The following NYAP1 variants were observed in gnomAD, a reference collection of about 807,000 sequenced individuals.
The protein encoded by NYAP1 is neuronal tyrosine-phosphorylated phosphoinositide-3-kinase adapter 1.
In NYAP1, 20 loss-of-function variants were observed where a neutral mutation model predicts 58.6. The observed-to-expected ratio is 0.34, with a 90% CI of 0.24 to 0.50. The LOEUF is 0.50. Among genes scored for constraint, NYAP1 ranks in the 20% least tolerant of loss-of-function variants. The pLI is 0.98. For synonymous variants in NYAP1, 572 were observed against 523.1 expected, an observed-to-expected ratio of 1.09 and a Z score of -1.27; for missense variants, 1,150 against 1,194.5, an observed-to-expected ratio of 0.96 and a Z score of 0.55.
chr7:100,484,557 G>A (rs374333073), intron 1 of NYAP1, among the ~76,000 whole-genome samples: 2 of 152,074 alleles, frequency 1.3e-5, no homozygotes, highest in African/African-American at 4.8e-5. Flanking sequence ...ATAGATGGAT[G>A]GGTGGTATTT....
intron 6 of NYAP1, among the ~76,000 whole-genome samples, chr7:100,493,046 C>T (rs1799818248): frequency 1.3e-5 from 2 of 151,968 alleles, no homozygotes; most frequent in South Asian, 4.1e-4. Context: ...GGGACCTTGT[C>T]TACCCTTGCC....
At chr7:100,491,299 CTTT>C (rs1017706839) in intron 6 of NYAP1, among the ~76,000 whole-genome samples, 2 of 151,624 alleles carry the variant, frequency 1.3e-5, no homozygotes, top group African/African-American at 2.4e-5. Context: ...TCTATTTTTT[CTTT>C]TTTTTAAAAG....
chr7:100,493,773 C>G lies in NYAP1; in HGVS notation c.2396C>G (p.Pro799Arg), dbSNP rs1366143918. ...VCKEIKARHR[P>R]DRGLCKQESM... ...AAGGAGATCAAGGCGCGCCACCGCCCGGACCGAGGCCTCTGCAAGCAGGAG... is the reference window on the plus strand; with the variant it reads ...AAGGAGATCAAGGCGCGCCACCGCCGGGACCGAGGCCTCTGCAAGCAGGAG... The change falls in exon 7 of 7, where the codon CCG (proline) becomes CGG (arginine). Residue 799 changes from proline to arginine, a missense_variant. Physicochemically the swap from Pro to Arg is moderately radical, Grantham distance 103 (BLOSUM62 -2). Transcript: ENST00000300179. 3.7e-6 allele frequency: 6 copies of G among 1,605,508 alleles called. No homozygotes were observed. In the African/African-American group the frequency reaches 5.4e-5, roughly 14 times the overall value.
rs1160406941 is a variant in NYAP1, at chr7:100,494,343, T to G, written c.*440T>G. ...GGGGAGGGGGTATTTATTTTGTTAT[T>G]TATTTCAGTCTGGAGGGCGATTCTG... On this transcript the variant is annotated 3_prime_UTR_variant, in exon 7 of 7. Coordinates refer to ENST00000300179, the MANE Select transcript of NYAP1 (RefSeq NM_173564.4). 6.3e-6 allele frequency: 1 copy of G among 158,140 alleles called. No homozygotes were observed. Among genetic ancestry groups the G allele is most frequent in the African/African-American group, 2.4e-5 (1 of 41,524 alleles). The allele number at this position is 158,140 out of a possible 1,614,324, so 9.8% of individuals were successfully genotyped here.
rs1219148251 is a variant in NYAP1, at chr7:100,487,836, G to A, written c.431-316G>A. 6.6e-6 allele frequency among the ~76,000 whole-genome samples: 1 copy of A among 152,122 alleles called. No individual in the cohort carries two copies. The highest frequency in any genetic ancestry group is 1.5e-5 in the Non-Finnish European group (1 of 68,012). On this transcript the variant is annotated intron_variant, in intron 3 of 6. Coordinates refer to ENST00000300179, the MANE Select transcript of NYAP1 (RefSeq NM_173564.4). This position sits in a 1 kb window ranked among gnomAD's most constrained non-coding sequence, Gnocchi z 4.1. ...AATTGACGTTTTAAAAAGACCAAGG[G>A]CTGACTAGTAGAAAAGGAACCTACA...
chr7:100,486,250 T>C lies in NYAP1; in HGVS notation c.69-571T>C, dbSNP rs1799700659. Among the ~76,000 whole-genome samples the C allele has an allele frequency of 6.6e-6, 1 of 151,452 alleles. No individual in the cohort carries two copies. The highest frequency in any genetic ancestry group is 2.4e-5 in the African/African-American group (1 of 41,146). Reference sequence around the variant, plus strand: ...GAAGCTCAGGGACAGTGGAATGGAATGGGGGTGAGCCGGGGAGGCTGACAG... The same window carrying C: ...GAAGCTCAGGGACAGTGGAATGGAACGGGGGTGAGCCGGGGAGGCTGACAG... On this transcript the variant is annotated intron_variant, in intron 2 of 6. Coordinates refer to ENST00000300179, the MANE Select transcript of NYAP1 (RefSeq NM_173564.4). The surrounding 1 kb of genome is among the most constrained non-coding windows in gnomAD (Gnocchi z 6.2).
At chr7:100,493,524 G>C (rs1437997666) in intron 6 of NYAP1, 122 bp from the exon 7 acceptor site, 2 of 905,630 alleles carry the variant, frequency 2.2e-6, no homozygotes, top group Admixed American at 5.9e-5. Flanking sequence ...AGAGGCCGTT[G>C]GGGGGCAAGC....
At chr7:100,491,151 T>C in intron 6 of NYAP1, 56 bp downstream of exon 6, 1 of 1,197,058 alleles carries the variant, frequency 8.4e-7, no homozygotes. Flanking sequence ...GGCTTGAATA[T>C]GCAAAGAAAA....
intron 4 of NYAP1, among the ~76,000 whole-genome samples, chr7:100,489,919 C>T (rs1325909420): frequency 6.6e-6 from 1 of 152,066 alleles, no homozygotes; most frequent in Non-Finnish European, 1.5e-5. Context: ...GCTCTGCTCC[C>T]TGCCCCTCCC....
rs1394550203 is a variant in NYAP1 at position 100,487,448 on chromosome 7, C to CGTTA, written c.430+268_430+271dup. Among the ~76,000 whole-genome samples the CGTTA allele has an allele frequency of 6.6e-6, 1 of 151,756 alleles. No homozygotes were observed. The highest frequency in any genetic ancestry group is 6.6e-5 in the Admixed American group (1 of 15,248). On this transcript the variant is annotated intron_variant, in intron 3 of 6. Coordinates refer to ENST00000300179, the MANE Select transcript of NYAP1 (RefSeq NM_173564.4). The surrounding 1 kb of genome is among the most constrained non-coding windows in gnomAD (Gnocchi z 4.1). Reference sequence around the variant, plus strand: ...TAGGAGCTGCGAATTCTGGAGAATACGTTAGAAAGACTGAGGGCTGTGGGA... The same window carrying CGTTA: ...TAGGAGCTGCGAATTCTGGAGAATACGTTAGTTAGAAAGACTGAGGGCTGTGGGA...
At position 100,487,881 on chromosome 7, in the gene NYAP1, G is replaced by T. The variant is rs1799728783; in HGVS notation, c.431-271G>T. Among the ~76,000 whole-genome samples the T allele has an allele frequency of 6.6e-6, 1 of 152,192 alleles. No homozygotes were observed. Among genetic ancestry groups the T allele is most frequent in the African/African-American group, 2.4e-5 (1 of 41,444 alleles). ...CCTACAGCTGGGCATGGTGGCTGAT[G>T]CCTGGAATCCTAGCACTTTAGGAGG... On this transcript the variant is annotated intron_variant, in intron 3 of 6. Transcript: ENST00000300179. This position sits in a 1 kb window ranked among gnomAD's most constrained non-coding sequence, Gnocchi z 4.1.
Position 100,486,695 on chromosome 7 carries a change from TCCCCACCCA to T in NYAP1, c.69-125_69-117del. On this transcript the variant is annotated intron_variant, in intron 2 of 6. Transcript: ENST00000300179. The surrounding 1 kb of genome is among the most constrained non-coding windows in gnomAD (Gnocchi z 6.2). ...TGCCCTGGACCTTCTGGCAACCCTG[TCCCCACCCA>T]GGCTCCCGTCCTCTTCCCTGGGAAG... The T allele has an allele frequency of 8.6e-7, 1 of 1,164,776 alleles. No homozygotes were observed. The highest frequency in any genetic ancestry group is 1.1e-6 in the Non-Finnish European group (1 of 874,160). 72.2% of individuals were successfully genotyped at this position (1,164,776 alleles called of 1,614,324 possible).
chr7:100,490,778 C>T lies in NYAP1; in HGVS notation c.2158+49C>T. The T allele has an allele frequency of 7.0e-7, 1 of 1,437,604 alleles. No homozygotes were observed. The highest frequency in any genetic ancestry group is 9.3e-7 in the Non-Finnish European group (1 of 1,080,640). The allele number at this position is 1,437,604 out of a possible 1,614,324, so 89.1% of individuals were successfully genotyped here. ...TGCACAGCGGGGCTGGCTGGGGGAT[C>T]TCCCGGGGTCTAGCTGCACCTGTCC... On this transcript the variant is annotated intron_variant, in intron 5 of 6. Transcript: ENST00000300179. This position sits in a 1 kb window ranked among gnomAD's most constrained non-coding sequence, Gnocchi z 4.6.
At chr7:100,492,238 C>T (rs917819260) in intron 6 of NYAP1, among the ~76,000 whole-genome samples, 1 of 115,658 alleles carries the variant, frequency 8.6e-6, no homozygotes, top group African/African-American at 3.2e-5. Context: ...GACTCTGTCT[C>T]AAAAAAAAAA....
chr7:100,494,685 T>TGGGGGGGGG lies in NYAP1; in HGVS notation c.*784_*785insGGGGGGGGG, dbSNP rs201629201. The stretch of plus-strand genomic sequence containing the variant: ...GGAGGAGGAGGGAAATTTTAGCGGG[T>TGGGGGGGGG]GGAGGGGGTGGGCAGGGTATTTATT... On this transcript the variant is annotated 3_prime_UTR_variant, in exon 7 of 7. Transcript: ENST00000300179. 4 of 9,192 alleles carry TGGGGGGGGG rather than the reference T, an allele frequency of 4.4e-4. No individual in the cohort carries two copies. Among genetic ancestry groups the TGGGGGGGGG allele is most frequent in the Non-Finnish European group, 5.7e-4 (3 of 5,304 alleles). 0.6% of individuals were successfully genotyped at this position (9,192 alleles called of 1,614,324 possible).
chr7:100,485,132 T>A lies in NYAP1; in HGVS notation c.-84-96T>A. The A allele has an allele frequency of 5.1e-6, 3 of 592,754 alleles. No individual in the cohort carries two copies. The South Asian group carries it at 6.1e-5, about 12-fold the overall frequency. 36.7% of individuals were successfully genotyped at this position (592,754 alleles called of 1,614,324 possible). A position where few individuals can be genotyped will look rare whatever the true frequency, so the allele number is the denominator to read the frequency against. ...GTGTTTTCCTCTCTGAGGACCCGAGTCATGTCTCTTCTCCGTTTTCTCTCT... is the reference window on the plus strand; with the variant it reads ...GTGTTTTCCTCTCTGAGGACCCGAGACATGTCTCTTCTCCGTTTTCTCTCT... On this transcript the variant is annotated intron_variant, in intron 1 of 6. Coordinates refer to ENST00000300179, the MANE Select transcript of NYAP1 (RefSeq NM_173564.4). The surrounding 1 kb of genome is among the most constrained non-coding windows in gnomAD (Gnocchi z 5.7).
rs1335163093 is a variant in NYAP1, at chr7:100,486,872, G to A, written c.120G>A (p.Gln40=). The A allele has an allele frequency of 6.5e-7, 1 of 1,547,552 alleles. No individual in the cohort carries two copies. Among genetic ancestry groups the A allele is most frequent in the Non-Finnish European group, 8.7e-7 (1 of 1,151,522 alleles). ...GCTCGGCTGGGCCCGCGGCCGGCCAGGGGCCTGGGGTCCGCGTGCGGGACA... is the reference window on the plus strand; with the variant it reads ...GCTCGGCTGGGCCCGCGGCCGGCCAAGGGCCTGGGGTCCGCGTGCGGGACA... ...PAGSAGPAAG[Q]GPGVRVRDIA... The change falls in exon 3 of 7, where the codon CAG becomes CAA. Residue 40 remains glutamine, a synonymous_variant. Transcript: ENST00000300179. This position sits in a 1 kb window ranked among gnomAD's most constrained non-coding sequence, Gnocchi z 6.2.
chr7:100,490,474 C>A lies in NYAP1; in HGVS notation c.1946-43C>A. 6.5e-7 allele frequency: 1 copy of A among 1,527,006 alleles called. No individual in the cohort carries two copies. The highest frequency in any genetic ancestry group is 1.2e-5 in the South Asian group (1 of 83,790). The allele number at this position is 1,527,006 out of a possible 1,614,324, so 94.6% of individuals were successfully genotyped here. ...GTGTGGCCAGAGGGACAGAATGACG[C>A]CTCCAACATGCAGGCACACAGCTCT... On this transcript the variant is annotated intron_variant, in intron 4 of 6. Transcript: ENST00000300179. This position sits in a 1 kb window ranked among gnomAD's most constrained non-coding sequence, Gnocchi z 4.6.
In NYAP1 at chr7:100,488,787, A is replaced by G; in HGVS notation, c.1066A>G (p.Arg356Gly). 6.3e-7 allele frequency: 1 copy of G among 1,589,178 alleles called. No homozygotes were observed. Among genetic ancestry groups the G allele is most frequent in the Non-Finnish European group, 8.6e-7 (1 of 1,167,726 alleles). Residue 356 changes from arginine (R) to glycine (G), a missense_variant, in exon 4 of 7, where the codon AGG becomes GGG. Arg to Gly is a moderately radical substitution (Grantham distance 125, BLOSUM62 -2). Coordinates refer to ENST00000300179, the MANE Select transcript of NYAP1 (RefSeq NM_173564.4). The surrounding 1 kb of genome is among the most constrained non-coding windows in gnomAD (Gnocchi z 5.9). ...CCGAACCCCTGGCGATGGGGTCTCA[A>G]GGCTACCTGTCCTCTGCCACTCCAA... ...ASRTPGDGVS[R>G]LPVLCHSKEP...
Sources: gnomAD v4.1 joint callset for allele counts (sites outside exome capture counted in the v4.1 genomes callset) on GRCh38, gnomAD v4.1.1 for gene constraint, Gnocchi (gnomAD v3.1) non-coding constraint, MANE v1.5 for transcripts, NCBI Gene and HGNC (gene_info 2026-07-23, HGNC 2026-07-21) for gene names.